Variants in A2ML1 observed in about 807,000 individuals in gnomAD.
The protein encoded by A2ML1 is alpha-2-macroglobulin-like protein 1.
A2ML1 carries 161 observed loss-of-function variants against 181.9 expected under a neutral mutation model. The observed-to-expected ratio is 0.89, with a 90% CI of 0.78 to 1.01. The LOEUF is 1.01. Among genes scored for constraint, A2ML1 ranks in the 50% least tolerant of loss-of-function variants. A2ML1 has a pLI of 0.00. For missense variants in A2ML1, 1,670 were observed against 1,768.1 expected, an observed-to-expected ratio of 0.94 and a Z score of 1.00; for synonymous variants, 663 against 666.8, an observed-to-expected ratio of 0.99 and a Z score of 0.09.
chr12:8,853,492 C>T (rs1226087417), intron 20 of A2ML1, among the ~76,000 whole-genome samples: 2 of 152,138 alleles, frequency 1.3e-5, no homozygotes, highest in Non-Finnish European at 2.9e-5. Context: ...TAGCTGGGTA[C>T]CTCTGGCTCA....
At chr12:8,833,685 CG>C (rs1311496263) in intron 4 of A2ML1, among the ~76,000 whole-genome samples, 3 of 152,100 alleles carry the variant, frequency 2.0e-5, no homozygotes, top group African/African-American at 7.2e-5. Flanking sequence ...TGTGAGCCAC[CG>C]TGTCTGGCCT....
chr12:8,836,012 CAAAAAAAA>C (rs753902128), intron 6 of A2ML1, among the ~76,000 whole-genome samples: 1 of 52,204 alleles, frequency 1.9e-5, no homozygotes, highest in South Asian at 7.0e-4. Context: ...GACTCCGTCT[CAAAAAAAA>C]AAAAAAAAAA....
At chr12:8,840,978 A>AGAAG (rs71045213) in intron 10 of A2ML1, among the ~76,000 whole-genome samples, 1,466 of 125,350 alleles carry the variant, frequency 0.012, 19 homozygotes, top group African/African-American at 0.024. Flanking sequence ...AAGGAAGGAA[A>AGAAG]GAAGGAAGGA....
chr12:8,869,028 C>T, intron 32 of A2ML1, 107 bp from the exon 33 acceptor site: 1 of 1,106,204 alleles, frequency 9.0e-7, no homozygotes, highest in East Asian at 2.4e-5. Context: ...CTTTTCCTAC[C>T]TTTTCCACAG....
Position 8,857,574 on chromosome 12 carries a change from A to T in A2ML1, c.3093A>T (p.Gly1031=). ...ACAGTGCCTTTGGGGAGCGAGATGG[A>T]AATGGAAACACATGGTAATATCACC... is the stretch of plus-strand genomic sequence containing the variant. ...GSYSAFGERD[G]NGNTWLTAFV... The change falls in exon 25 of 36, where the codon GGA becomes GGT. Residue 1031 remains glycine (G), a synonymous_variant. Coordinates refer to ENST00000299698, the MANE Select transcript of A2ML1 (RefSeq NM_144670.6). 2 of 1,611,314 alleles carry T rather than the reference A, an allele frequency of 1.2e-6. No individual in the cohort carries two copies. The highest frequency in any genetic ancestry group is 2.2e-5 in the South Asian group (2 of 90,412).
In A2ML1 at chr12:8,863,843, C is replaced by G. The variant is rs529118583; in HGVS notation, c.3552C>G (p.Ser1184Arg). ...SQKPTPSSNA[S>R]PWSEPAAVDV... ...AACCTACTCCATCATCGAACGCCAG[C>G]CCTTGGTCTGAGCCTGCGGCTGTAG... The change falls in exon 29 of 36, where the codon AGC becomes AGG. Residue 1184 changes from serine (S) to arginine (R), a missense_variant. Ser to Arg is a moderately radical substitution (Grantham distance 110, BLOSUM62 -1). Coordinates refer to ENST00000299698, the MANE Select transcript of A2ML1 (RefSeq NM_144670.6). 10 of 1,614,116 alleles carry G rather than the reference C, an allele frequency of 6.2e-6. No homozygotes were observed. In the African/African-American group the frequency reaches 1.1e-4, roughly 17 times the overall value.
intron 1 of A2ML1, 113 bp downstream of exon 1, chr12:8,822,826 C>T: frequency 1.1e-6 from 1 of 938,000 alleles, no homozygotes; most frequent in African/African-American, 1.6e-5. Flanking sequence ...TAATTTCCTC[C>T]TCCTTTTTTC....
intron 33 of A2ML1, among the ~76,000 whole-genome samples, chr12:8,873,837 G>C (rs781716285): frequency 6.6e-6 from 1 of 152,136 alleles, no homozygotes; most frequent in African/African-American, 2.4e-5. Flanking sequence ...CTAATTTAGT[G>C]GAGAAGCCAT....
rs1336765090 is a variant in A2ML1 at position 8,847,703 on chromosome 12, GT to G, written c.1833+6del. The G allele has an allele frequency of 2.5e-6, 4 of 1,607,634 alleles. No individual in the cohort carries two copies. Among genetic ancestry groups the G allele is most frequent in the Non-Finnish European group, 3.4e-6 (4 of 1,177,734 alleles). On this transcript the variant is annotated splice_donor_region_variant and intron_variant, in intron 15 of 35. Coordinates refer to ENST00000299698, the MANE Select transcript of A2ML1 (RefSeq NM_144670.6). ...AGAGAGCTGAGCAACCGCTCTGTGA[GT>G]AACTGTCTGCTGACAGAGTGGGAGG...
intron 10 of A2ML1, among the ~76,000 whole-genome samples, chr12:8,841,165 G>A (rs1047857202): frequency 4.6e-5 from 7 of 152,000 alleles, no homozygotes; most frequent in African/African-American, 9.7e-5. Flanking sequence ...TTTGTTTTTC[G>A]GTTCCTCACA....
At chr12:8,825,367 T>C (rs1942897190) in intron 3 of A2ML1, among the ~76,000 whole-genome samples, 1 of 152,226 alleles carries the variant, frequency 6.6e-6, no homozygotes, top group South Asian at 2.1e-4. Context: ...ACCTTTTTTA[T>C]ATACCTGTTT....
rs570693086 is a variant in A2ML1 at position 8,872,783 on chromosome 12, CAAAAAAAA to C, written c.4222-1634_4222-1627del. On this transcript the variant is annotated intron_variant, in intron 33 of 35. Transcript: ENST00000299698. ...TGGGCAACAGAGTGAGACTCCATCT[CAAAAAAAA>C]AAAAAAAGAAAAAGAAAAAGAAAAT... Among the ~76,000 whole-genome samples, 10 of 68,714 alleles carry C rather than the reference CAAAAAAAA, an allele frequency of 1.5e-4. 1 individual carries two copies. The South Asian group carries it at 1.7e-3, about 12-fold the overall frequency. 45.1% of individuals were successfully genotyped at this position (68,714 alleles called of 152,430 possible).
Position 8,863,834 on chromosome 12 carries a change from G to T in A2ML1, c.3543G>T (p.Ser1181=). ...IYWSQKPTPS[S]NASPWSEPAA... ...GGAGCCAGAAACCTACTCCATCATC[G>T]AACGCCAGCCCTTGGTCTGAGCCTG... The change falls in exon 29 of 36, where the codon TCG becomes TCT. Residue 1181 remains serine (S), a synonymous_variant. Coordinates refer to ENST00000299698, the MANE Select transcript of A2ML1 (RefSeq NM_144670.6). 1.2e-6 allele frequency: 2 copies of T among 1,614,088 alleles called. No individual in the cohort carries two copies. Among genetic ancestry groups the T allele is most frequent in the South Asian group, 1.1e-5 (1 of 91,064 alleles).
chr12:8,845,150 A>C (rs752236318), intron 12 of A2ML1: 1 of 1,489,720 alleles, frequency 6.7e-7, no homozygotes, highest in South Asian at 1.3e-5. Flanking sequence ...GGAGATCTTC[A>C]AGAAATGGCA....
At chr12:8,837,370 G>A (rs895000708) in intron 7 of A2ML1, 70 bp from the exon 8 acceptor site, 29 of 1,587,920 alleles carry the variant, frequency 1.8e-5, no homozygotes, top group African/African-American at 2.7e-5. Context: ...GGAAGAAGTG[G>A]TGTTTGAGGG....
At chr12:8,880,248 C>T (rs1299899928), downstream of A2ML1, among the ~76,000 whole-genome samples, 1 of 152,124 alleles carries the variant, frequency 6.6e-6, no homozygotes, top group African/African-American at 2.4e-5. Context: ...TGCCTATAAT[C>T]CCAGCTAATT....
downstream of A2ML1, among the ~76,000 whole-genome samples, chr12:8,887,414 G>A (rs1261339673): frequency 2.0e-5 from 3 of 152,044 alleles, no homozygotes; most frequent in Non-Finnish European, 4.4e-5. Flanking sequence ...TTGCTGTGCA[G>A]CTGCAAAGTC....
In A2ML1 at chr12:8,826,616, TTTTG is replaced by T. The variant is rs577533816; in HGVS notation, c.409+2738_409+2741del. ...GCATGCGCCACCATGCCCAGCTAAT[TTTTG>T]TTTTTGTTTTTTTGTTTTTTGAGAT... On this transcript the variant is annotated intron_variant, in intron 3 of 35. Transcript: ENST00000299698. 2.1e-4 allele frequency among the ~76,000 whole-genome samples: 32 copies of T among 152,124 alleles called. 1 individual carries two copies. Among genetic ancestry groups the T allele is most frequent in the South Asian group, 8.3e-4 (4 of 4,814 alleles).
At chr12:8,867,719 A>C in intron 29 of A2ML1, 123 bp from the exon 30 acceptor site, 1 of 798,600 alleles carries the variant, frequency 1.3e-6, no homozygotes, top group African/African-American at 1.7e-5. Context: ...AGTTCTCTAA[A>C]TACTTAAAGA....
Sources: gnomAD v4.1 joint callset for allele counts (sites outside exome capture counted in the v4.1 genomes callset) on GRCh38, gnomAD v4.1.1 for gene constraint, MANE v1.5 for transcripts, NCBI Gene and HGNC (gene_info 2026-07-23, HGNC 2026-07-21) for gene names.